ARHGAP6: variants seen among roughly 807,000 people sequenced by gnomAD.
The protein encoded by ARHGAP6 is rho GTPase-activating protein 6.
In ARHGAP6, 16 loss-of-function variants were observed where a neutral mutation model predicts 55.7. The observed-to-expected ratio is 0.29, with a 90% confidence interval of 0.19 to 0.44. The LOEUF (loss-of-function observed/expected upper bound fraction) is 0.44. ARHGAP6 is among the 20% of genes least tolerant of loss of function. ARHGAP6 has a pLI of 1.00. For missense variants in ARHGAP6, 698 were observed against 808.9 expected (o/e 0.86, Z 1.66); for synonymous variants, 382 against 360.9 (o/e 1.06, Z -0.66).
chrX:11,501,044 G>C (rs1198929066), intron 1 of ARHGAP6, among the ~76,000 whole-genome samples: 1 of 112,108 alleles, frequency 8.9e-6, no homozygotes, highest in Non-Finnish European at 1.9e-5. Context: ...TAGTAAATAT[G>C]TTTGGCTTTG....
rs931330790 is a variant in ARHGAP6 at position 11,155,121 on chromosome X, C to T, written c.1907+1408G>A. ...TGACCTGGGAAAGAAGGAGGTTGAA[C>T]AACATGGAATTCCTTTTCACCAAAT... On this transcript the variant is annotated intron_variant, in intron 10 of 12. Transcript: ENST00000337414. 9.8e-5 allele frequency among the ~76,000 whole-genome samples: 11 copies of T among 111,943 alleles called. No individual in the cohort carries two copies. The Admixed American group carries it at 1.0e-3, about 11-fold the overall frequency.
At chrX:11,658,706 T>C (rs1170726825) in intron 1 of ARHGAP6, among the ~76,000 whole-genome samples, 1 of 104,285 alleles carries the variant, frequency 9.6e-6, no homozygotes, top group Non-Finnish European at 1.9e-5. Context: ...GGTTGACATA[T>C]ACTAGATAAG....
At chrX:11,233,863 T>C (rs1157962457) in intron 2 of ARHGAP6, among the ~76,000 whole-genome samples, 3 of 112,371 alleles carry the variant, frequency 2.7e-5, no homozygotes, top group East Asian at 5.6e-4. Flanking sequence ...AACTAGTACA[T>C]TGGATACAAG....
At chrX:11,509,965 C>T (rs1011033025) in intron 1 of ARHGAP6, among the ~76,000 whole-genome samples, 9 of 112,051 alleles carry the variant, frequency 8.0e-5, no homozygotes, top group Non-Finnish European at 1.9e-5. Context: ...TCTAGGGTAA[C>T]AGGGATACCT....
intron 1 of ARHGAP6, among the ~76,000 whole-genome samples, chrX:11,276,355 G>A (rs983078826): frequency 2.7e-5 from 3 of 111,954 alleles, no homozygotes; most frequent in Non-Finnish European, 3.8e-5. Context: ...AACATTTTGT[G>A]CTTTTGTATA....
At chrX:11,167,236 C>T (rs2046029198) in intron 9 of ARHGAP6, among the ~76,000 whole-genome samples, 1 of 111,454 alleles carries the variant, frequency 9.0e-6, no homozygotes, top group South Asian at 3.8e-4. Context: ...GTTTACATTT[C>T]TAGGGAGTGG....
At chrX:11,324,523 T>C (rs2048475072) in intron 1 of ARHGAP6, among the ~76,000 whole-genome samples, 1 of 107,604 alleles carries the variant, frequency 9.3e-6, no homozygotes, top group African/African-American at 3.4e-5. Context: ...TGAGAGTCTC[T>C]ATGGGAAATT....
At chrX:11,545,933 T>C (rs1264735481) in intron 1 of ARHGAP6, among the ~76,000 whole-genome samples, 1 of 111,484 alleles carries the variant, frequency 9.0e-6, no homozygotes, top group African/African-American at 3.3e-5. Flanking sequence ...ACGAGGGTGA[T>C]GCCCATCTGG....
chrX:11,589,859 T>C (rs2051783441), intron 1 of ARHGAP6, among the ~76,000 whole-genome samples: 1 of 112,058 alleles, frequency 8.9e-6, no homozygotes, highest in Non-Finnish European at 1.9e-5. Context: ...ACTTTATCGC[T>C]AGCTTATGAG....
At chrX:11,354,327 C>CTCTCTATATATATATA (rs1343744315) in intron 1 of ARHGAP6, among the ~76,000 whole-genome samples, 1 of 32,346 alleles carries the variant, frequency 3.1e-5, no homozygotes, top group African/African-American at 1.3e-4. Flanking sequence ...CTCTCTCTCT[C>CTCTCTATATATATATA]TATATATATA....
chrX:11,391,208 G>A (rs2049400552), intron 1 of ARHGAP6, among the ~76,000 whole-genome samples: 1 of 111,431 alleles, frequency 9.0e-6, no homozygotes, highest in Admixed American at 9.5e-5. Flanking sequence ...GCAAACTATT[G>A]CAAGGACAAA....
At chrX:11,226,690 T>C (rs180841927) in intron 2 of ARHGAP6, among the ~76,000 whole-genome samples, 2 of 112,250 alleles carry the variant, frequency 1.8e-5, no homozygotes, top group African/African-American at 6.4e-5. Context: ...AGTCCATAAA[T>C]CCTTACTGGA....
intron 1 of ARHGAP6, among the ~76,000 whole-genome samples, chrX:11,660,155 A>C (rs2052679677): frequency 9.0e-6 from 1 of 111,627 alleles, no homozygotes; most frequent in East Asian, 2.8e-4. Flanking sequence ...CCCAAACTTC[A>C]CTTGGGCAAC....
chrX:11,467,481 T>C (rs1369358486), intron 1 of ARHGAP6, among the ~76,000 whole-genome samples: 1 of 111,226 alleles, frequency 9.0e-6, no homozygotes, highest in Non-Finnish European at 1.9e-5. Flanking sequence ...CCTTAAACTT[T>C]GCAAGTGAAA....
intron 1 of ARHGAP6, among the ~76,000 whole-genome samples, chrX:11,520,679 T>C (rs2050913634): frequency 1.8e-5 from 2 of 111,525 alleles, no homozygotes; most frequent in Non-Finnish European, 3.8e-5. Flanking sequence ...ATATACCCAG[T>C]AATGCAATGG....
At chrX:11,597,987 T>C (rs925474440) in intron 1 of ARHGAP6, among the ~76,000 whole-genome samples, 1 of 111,559 alleles carries the variant, frequency 9.0e-6, no homozygotes, top group Non-Finnish European at 1.9e-5. Context: ...AAGGAGAGAG[T>C]GCATTGCTGA....
chrX:11,241,141 C>T (rs888277714), intron 2 of ARHGAP6, among the ~76,000 whole-genome samples: 2 of 108,739 alleles, frequency 1.8e-5, no homozygotes, highest in African/African-American at 6.7e-5. Context: ...TTACTAGGTG[C>T]CAGGACAAAA....
At chrX:11,521,235 T>C (rs182459061) in intron 1 of ARHGAP6, among the ~76,000 whole-genome samples, 147 of 112,214 alleles carry the variant, frequency 1.3e-3, no homozygotes, top group African/African-American at 4.5e-3. Context: ...TCCTTGCCCA[T>C]GCCTATGTCC....
intron 1 of ARHGAP6, among the ~76,000 whole-genome samples, chrX:11,347,385 A>G (rs2048802793): frequency 8.9e-6 from 1 of 112,110 alleles, no homozygotes; most frequent in East Asian, 2.8e-4. Flanking sequence ...ATAAGACTCT[A>G]TTATTTCCAG....
Sources: gnomAD v4.1 joint callset for allele counts (sites outside exome capture counted in the v4.1 genomes callset) on GRCh38, gnomAD v4.1.1 for gene constraint, MANE v1.5 for transcripts, NCBI Gene and HGNC (gene_info 2026-07-23, HGNC 2026-07-21) for gene names.